Variants in SUPT3H observed in about 807,000 individuals in gnomAD.
SUPT3H encodes the protein SPT3 homolog, SAGA and STAGA complex component.
Under a neutral mutation model 44.3 loss-of-function variants are expected in SUPT3H, and 44 were observed. The ratio of observed to expected loss-of-function variants is 0.99; its 90% CI spans 0.78 to 1.28. The LOEUF is 1.28. Ranked by LOEUF, SUPT3H falls within the 50% of genes most tolerant of loss-of-function variation. The pLI is 0.00. For missense variants in SUPT3H, 380 were observed against 387.1 expected, an observed-to-expected ratio of 0.98 and a Z score of 0.15; for synonymous variants, 124 against 125.6, an observed-to-expected ratio of 0.99 and a Z score of 0.09.
At chr6:44,936,858 G>A (rs1393166698) in intron 9 of SUPT3H, among the ~76,000 whole-genome samples, 1 of 151,938 alleles carries the variant, frequency 6.6e-6, no homozygotes, top group African/African-American at 2.4e-5. Context: ...GTAGAGACAG[G>A]GTTTTGCCAC....
intron 3 of SUPT3H, among the ~76,000 whole-genome samples, chr6:45,039,263 T>C (rs560393231): frequency 4.3e-4 from 65 of 152,308 alleles, no homozygotes; most frequent in Non-Finnish European, 6.9e-4. Context: ...TAAATTACTA[T>C]ACTTCCTTTG....
At chr6:44,888,530 A>G (rs1762724031) in intron 10 of SUPT3H, among the ~76,000 whole-genome samples, 1 of 152,236 alleles carries the variant, frequency 6.6e-6, no homozygotes, top group Non-Finnish European at 1.5e-5. Flanking sequence ...GATTACCTCA[A>G]TAGATGCAGA....
intron 2 of SUPT3H, among the ~76,000 whole-genome samples, chr6:45,213,767 A>T (rs1764523230): frequency 6.6e-6 from 1 of 152,096 alleles, no homozygotes; most frequent in Non-Finnish European, 1.5e-5. Context: ...ATAAGTTTTT[A>T]GTCCAAGTCA....
At chr6:44,964,048 GATA>G (rs1776446044) in intron 6 of SUPT3H, among the ~76,000 whole-genome samples, 1 of 151,930 alleles carries the variant, frequency 6.6e-6, no homozygotes, top group Admixed American at 6.6e-5. Context: ...CTCTAAGACT[GATA>G]ATACTAACGT....
chr6:44,902,149 A>G (rs1765178515), intron 10 of SUPT3H, among the ~76,000 whole-genome samples: 1 of 152,240 alleles, frequency 6.6e-6, no homozygotes. Context: ...CATCATAATG[A>G]CATGATGAAA....
intron 10 of SUPT3H, among the ~76,000 whole-genome samples, chr6:44,862,849 T>C (rs1161962545): frequency 1.3e-5 from 2 of 152,066 alleles, no homozygotes; most frequent in African/African-American, 2.4e-5. Flanking sequence ...CATTAAAAAA[T>C]TTTAAAAACA....
chr6:45,321,959 T>C (rs1785561865), intron 2 of SUPT3H: 3 of 928,228 alleles, frequency 3.2e-6, no homozygotes, highest in Non-Finnish European at 4.8e-6. Flanking sequence ...CTAAGAAATA[T>C]TCATTAATCA....
intron 3 of SUPT3H, among the ~76,000 whole-genome samples, chr6:45,073,144 G>A (rs541713335): frequency 1.3e-5 from 2 of 152,074 alleles, no homozygotes; most frequent in South Asian, 2.1e-4. Context: ...CATTATCTAC[G>A]CTGAAGATAT....
At chr6:45,354,068 C>T (rs1274749778) in intron 2 of SUPT3H, among the ~76,000 whole-genome samples, 3 of 152,032 alleles carry the variant, frequency 2.0e-5, no homozygotes, top group Admixed American at 6.6e-5. Context: ...GAGGGAGGTG[C>T]TCTCATAACT....
intron 9 of SUPT3H, among the ~76,000 whole-genome samples, chr6:44,948,517 C>G (rs998002564): frequency 1.3e-5 from 2 of 152,166 alleles, no homozygotes; most frequent in African/African-American, 4.8e-5. Flanking sequence ...TATCCAGAAT[C>G]TACAAAGAAC....
At chr6:45,143,513 G>T (rs892519182) in intron 2 of SUPT3H, among the ~76,000 whole-genome samples, 3 of 152,020 alleles carry the variant, frequency 2.0e-5, no homozygotes, top group Non-Finnish European at 4.4e-5. Context: ...CTGAATAACA[G>T]TGACAAAACT....
At chr6:45,189,602 G>C (rs575717026) in intron 2 of SUPT3H, among the ~76,000 whole-genome samples, 1 of 152,246 alleles carries the variant, frequency 6.6e-6, no homozygotes, top group East Asian at 1.9e-4. Context: ...TAGGATTTCT[G>C]TGTCAATCCC....
At chr6:45,097,069 A>C (rs1797889342) in intron 3 of SUPT3H, among the ~76,000 whole-genome samples, 1 of 152,206 alleles carries the variant, frequency 6.6e-6, no homozygotes, top group Non-Finnish European at 1.5e-5. Context: ...ACATAGTGAA[A>C]TGATGAAAAG....
chr6:44,977,158 G>GT (rs1048790491), intron 6 of SUPT3H, among the ~76,000 whole-genome samples: 1 of 152,206 alleles, frequency 6.6e-6, no homozygotes, highest in African/African-American at 2.4e-5. Flanking sequence ...AAGGAGAATT[G>GT]TTTTTGCAAC....
intron 2 of SUPT3H, among the ~76,000 whole-genome samples, chr6:45,132,617 C>T (rs1257188472): frequency 6.6e-6 from 1 of 152,124 alleles, no homozygotes; most frequent in Non-Finnish European, 1.5e-5. Flanking sequence ...GGCAGATTAT[C>T]ATGTCACTAT....
chr6:45,328,375 T>G, intron 2 of SUPT3H: 1 of 1,390,944 alleles, frequency 7.2e-7, no homozygotes, highest in Non-Finnish European at 9.6e-7. Context: ...GGTGCAAACT[T>G]TCTCCAGGAG....
chr6:45,117,808 T>C (rs1393948672), intron 2 of SUPT3H, among the ~76,000 whole-genome samples: 3 of 152,140 alleles, frequency 2.0e-5, no homozygotes, highest in Non-Finnish European at 2.9e-5. Flanking sequence ...ATTCCATTAG[T>C]TTCTTCACAA....
chr6:45,331,203 T>C (rs1787439626), intron 2 of SUPT3H, among the ~76,000 whole-genome samples: 1 of 151,852 alleles, frequency 6.6e-6, no homozygotes. Flanking sequence ...TTTGAGTTAA[T>C]CAAAAATTTT....
chr6:44,860,440 G>T (rs1774467988), intron 10 of SUPT3H, among the ~76,000 whole-genome samples: 1 of 152,130 alleles, frequency 6.6e-6, no homozygotes, highest in African/African-American at 2.4e-5. Context: ...GCTCGAATGG[G>T]CCTTAGAAGT....
Sources: allele counts gnomAD v4.1 joint callset (sites outside exome capture counted in the v4.1 genomes callset), GRCh38; gene constraint gnomAD v4.1.1; transcripts MANE v1.5; gene names NCBI Gene and HGNC (gene_info 2026-07-23, HGNC 2026-07-21).